PRTFDC1: variants seen among roughly 807,000 people sequenced by gnomAD.
PRTFDC1 encodes the protein phosphoribosyltransferase domain-containing protein 1.
In PRTFDC1, 38 loss-of-function variants were observed where a neutral mutation model predicts 34.6. The ratio of observed to expected loss-of-function variants is 1.10; its 90% CI spans 0.85 to 1.44. The LOEUF (loss-of-function observed/expected upper bound fraction) is 1.44. PRTFDC1 is among the 40% of genes most tolerant of loss of function. PRTFDC1 has a pLI of 0.00. For synonymous variants in PRTFDC1, 93 were observed against 98.1 expected, an observed-to-expected ratio of 0.95 and a Z score of 0.31; for missense variants, 270 against 283.0, an observed-to-expected ratio of 0.95 and a Z score of 0.33.
chr10:24,851,552 AACTTGAGG>A, intron 7 of PRTFDC1, 88 bp from the exon 8 acceptor site: 1 of 1,542,600 alleles, frequency 6.5e-7, no homozygotes, highest in East Asian at 2.3e-5. Flanking sequence ...TCGCCACTCA[AACTTGAGG>A]ACCTTTCATT....
intron 4 of PRTFDC1, chr10:24,868,330 C>T (rs1847820645): frequency 6.6e-6 from 1 of 152,014 alleles, no homozygotes; most frequent in South Asian, 2.1e-4. Flanking sequence ...TCTTTAAATC[C>T]AAGGAAAGAG....
intron 3 of PRTFDC1, among the ~76,000 whole-genome samples, chr10:24,929,581 T>G (rs1026835666): frequency 6.6e-6 from 1 of 152,146 alleles, no homozygotes; most frequent in African/African-American, 2.4e-5. Flanking sequence ...AGCCTTGAAG[T>G]TGTAGTTTGA....
intron 1 of PRTFDC1, among the ~76,000 whole-genome samples, chr10:24,947,083 T>C (rs1438020376): frequency 5.9e-5 from 9 of 152,248 alleles, no homozygotes; most frequent in African/African-American, 2.2e-4. Flanking sequence ...AAGGCTGTAG[T>C]AAGCCATGAT....
intron 3 of PRTFDC1, among the ~76,000 whole-genome samples, chr10:24,920,529 T>C (rs747191609): frequency 6.6e-6 from 1 of 151,834 alleles, no homozygotes; most frequent in African/African-American, 2.4e-5. Context: ...CTAGGTCCTG[T>C]TGGGGATGGA....
At chr10:24,899,822 C>T (rs1848422408) in intron 3 of PRTFDC1, among the ~76,000 whole-genome samples, 1 of 152,178 alleles carries the variant, frequency 6.6e-6, no homozygotes, top group Non-Finnish European at 1.5e-5. Flanking sequence ...AGTTAGAGAA[C>T]AGCCAACAAT....
At chr10:24,875,717 G>A (rs545834981) in intron 3 of PRTFDC1, among the ~76,000 whole-genome samples, 9 of 151,972 alleles carry the variant, frequency 5.9e-5, no homozygotes, top group African/African-American at 1.9e-4. Flanking sequence ...ATTCTCATAT[G>A]TAAGGGTCAG....
chr10:24,909,758 T>C (rs11014291), intron 3 of PRTFDC1, among the ~76,000 whole-genome samples: 39,685 of 152,092 alleles, frequency 0.26, 5,965 homozygotes, highest in Non-Finnish European at 0.35. Context: ...AATTTCATGA[T>C]GCCCTTAGCA....
In PRTFDC1 at chr10:24,952,323, T is replaced by G. The variant is rs1849359393; in HGVS notation, c.48+205A>C. On this transcript the variant is annotated intron_variant, in intron 1 of 8. Coordinates refer to ENST00000320152, the MANE Select transcript of PRTFDC1 (RefSeq NM_020200.7). The surrounding 1 kb of genome is among the most constrained non-coding windows in gnomAD (Gnocchi z 5.1). ...ACGGGGGGACGCTGGGAACTCGGGG[T>G]GAAGGGACGGGACTCAGAGTTTCGT... 6.7e-6 allele frequency among the ~76,000 whole-genome samples: 1 copy of G among 149,520 alleles called. No individual in the cohort carries two copies. Among genetic ancestry groups the G allele is most frequent in the Non-Finnish European group, 1.5e-5 (1 of 67,376 alleles).
rs113470043 is a variant in PRTFDC1 at position 24,896,144 on chromosome 10, G to A, written c.340-24081C>T. Reference sequence around the variant, plus strand: ...CCAGGCTGTGGATTGGTACTGGTCTGTGGTCGTTGGGAACAGGGCCACACA... The same window carrying A: ...CCAGGCTGTGGATTGGTACTGGTCTATGGTCGTTGGGAACAGGGCCACACA... On this transcript the variant is annotated intron_variant, in intron 3 of 8. Coordinates refer to ENST00000320152, the MANE Select transcript of PRTFDC1 (RefSeq NM_020200.7). Among the ~76,000 whole-genome samples, 733 of 152,296 alleles carry A rather than the reference G, an allele frequency of 4.8e-3. 6 individuals carry two copies. Among genetic ancestry groups the A allele is most frequent in the African/African-American group, 0.017 (704 of 41,572 alleles).
At chr10:24,876,367 A>G (rs1847962351) in intron 3 of PRTFDC1, among the ~76,000 whole-genome samples, 1 of 152,074 alleles carries the variant, frequency 6.6e-6, no homozygotes, top group Non-Finnish European at 1.5e-5. Flanking sequence ...CATGTTTAGC[A>G]TTCAGTAAAT....
At chr10:24,897,434 C>T (rs893114920) in intron 3 of PRTFDC1, among the ~76,000 whole-genome samples, 1 of 152,188 alleles carries the variant, frequency 6.6e-6, no homozygotes, top group Non-Finnish European at 1.5e-5. Context: ...TTCCCCTCCT[C>T]TCAGAATTAA....
chr10:24,869,620 G>T (rs531349487), intron 4 of PRTFDC1, among the ~76,000 whole-genome samples: 3 of 152,344 alleles, frequency 2.0e-5, no homozygotes, highest in African/African-American at 4.8e-5. Context: ...AGGCATATTG[G>T]AAGGCCTTTA....
At chr10:24,882,680 TA>T (rs1848098249) in intron 3 of PRTFDC1, among the ~76,000 whole-genome samples, 1 of 152,082 alleles carries the variant, frequency 6.6e-6, no homozygotes, top group African/African-American at 2.4e-5. Flanking sequence ...TATTTTTATT[TA>T]TTTTTTTAGA....
At position 24,896,873 on chromosome 10, in the gene PRTFDC1, A is replaced by G. The variant is rs111742714; in HGVS notation, c.340-24810T>C. Among the ~76,000 whole-genome samples the G allele has an allele frequency of 3.6e-3, 553 of 152,324 alleles. 1 individual carries two copies. Among genetic ancestry groups the G allele is most frequent in the African/African-American group, 8.2e-3 (341 of 41,570 alleles). On this transcript the variant is annotated intron_variant, in intron 3 of 8. Coordinates refer to ENST00000320152, the MANE Select transcript of PRTFDC1 (RefSeq NM_020200.7). ...GAGGATCCCTTAAGGCCAGGAGTTT[A>G]AGACCAGCCTGGACAACATAGCAAG...
chr10:24,920,617 C>A (rs1848773825), intron 3 of PRTFDC1, among the ~76,000 whole-genome samples: 1 of 152,154 alleles, frequency 6.6e-6, no homozygotes. Flanking sequence ...ATAGATGCAG[C>A]AAATCACCAT....
At chr10:24,897,953 C>A (rs61854296) in intron 3 of PRTFDC1, among the ~76,000 whole-genome samples, 1 of 151,830 alleles carries the variant, frequency 6.6e-6, no homozygotes, top group East Asian at 1.9e-4. Flanking sequence ...TGGTGCAGGG[C>A]GTCTTTAAAG....
intron 3 of PRTFDC1, among the ~76,000 whole-genome samples, chr10:24,908,092 T>C (rs2132563256): frequency 6.6e-6 from 1 of 152,210 alleles, no homozygotes; most frequent in South Asian, 2.1e-4. Context: ...GTCCAAGACA[T>C]TTAAAATGAA....
chr10:24,937,377 G>T lies in PRTFDC1; in HGVS notation c.156-10C>A, dbSNP rs1307428600. 1.2e-6 allele frequency: 2 copies of T among 1,600,902 alleles called. No individual in the cohort carries two copies. The highest frequency in any genetic ancestry group is 3.5e-5 in the Admixed American group (2 of 57,200). ...GGCCAGCCGCTCAATTCTGAAAGAA[G>T]GATAAAAGATATATTAAGGCACAAC... is the stretch of plus-strand genomic sequence containing the variant. On this transcript the variant is annotated splice_polypyrimidine_tract_variant and intron_variant, in intron 2 of 8. Coordinates refer to ENST00000320152, the MANE Select transcript of PRTFDC1 (RefSeq NM_020200.7).
intron 2 of PRTFDC1, among the ~76,000 whole-genome samples, chr10:24,938,635 G>T (rs1439447236): frequency 2.6e-5 from 4 of 152,162 alleles, no homozygotes; most frequent in Non-Finnish European, 5.9e-5. Context: ...CTGGCAGGCT[G>T]GCTGGGGATT....
Sources: allele counts gnomAD v4.1 joint callset (sites outside exome capture counted in the v4.1 genomes callset), GRCh38; gene constraint gnomAD v4.1.1; non-coding constraint Gnocchi (gnomAD v3.1); transcripts MANE v1.5; gene names NCBI Gene and HGNC (gene_info 2026-07-23, HGNC 2026-07-21).